Variants in MVB12A observed in about 807,000 individuals in gnomAD.
MVB12A encodes multivesicular body subunit 12A.
A neutral mutation model predicts 34.3 loss-of-function variants in MVB12A; 30 were observed. That is an observed-to-expected ratio of 0.88 (90% CI 0.65 to 1.19). MVB12A has a LOEUF of 1.19. Ranked by LOEUF, MVB12A falls within the 50% of genes most tolerant of loss-of-function variation. The probability of loss-of-function intolerance (pLI) is 0.00; values close to 1 mark genes in which losing one functional copy is unlikely to be tolerated. For missense variants in MVB12A, 355 were observed against 369.2 expected, an observed-to-expected ratio of 0.96 and a Z score of 0.31; for synonymous variants, 158 against 158.9, an observed-to-expected ratio of 0.99 and a Z score of 0.04.
At position 17,412,272 on chromosome 19, in the gene MVB12A, CTCTT is replaced by C. The variant is rs1404081781; in HGVS notation, c.-5+5982_-5+5985del. On this transcript the variant is annotated intron_variant, in intron 2 of 6. Transcript: ENST00000528604. Reference sequence around the variant, plus strand: ...TCTCTCTCTTTTGCTCTTTCTCTCTCTCTTTCTTTTTTGAGATGGAGTCTCACTC... The same window carrying C: ...TCTCTCTCTTTTGCTCTTTCTCTCTCTCTTTTTTGAGATGGAGTCTCACTC... 7.9e-5 allele frequency among the ~76,000 whole-genome samples: 12 copies of C among 152,070 alleles called. No individual in the cohort carries two copies. The East Asian group carries it at 2.3e-3, about 29-fold the overall frequency.
intron 2 of MVB12A, among the ~76,000 whole-genome samples, chr19:17,410,842 T>C (rs1392311187): frequency 7.3e-6 from 1 of 136,712 alleles, no homozygotes; most frequent in African/African-American, 2.7e-5. Flanking sequence ...GGCAGAAGAA[T>C]CGCTTGAACC....
chr19:17,423,811 G>A lies in MVB12A; in HGVS notation c.640+12G>A. ...CTATGGCATCTCAGGTGAGCACAGA[G>A]TGGGGAAACTGAGGCGTGGAAGTGG... On this transcript the variant is annotated intron_variant, in intron 6 of 8. Coordinates refer to ENST00000317040, the MANE Select transcript of MVB12A (RefSeq NM_138401.4). 3 of 1,612,160 alleles carry A rather than the reference G, an allele frequency of 1.9e-6. No individual in the cohort carries two copies. Among genetic ancestry groups the A allele is most frequent in the East Asian group, 2.2e-5 (1 of 44,816 alleles).
chr19:17,416,230 T>C (rs1599603708), upstream of MVB12A, among the ~76,000 whole-genome samples: 1 of 79,164 alleles, frequency 1.3e-5, no homozygotes. Flanking sequence ...TACAGGCGCA[T>C]GCCACTGAGT....
intron 2 of MVB12A, among the ~76,000 whole-genome samples, chr19:17,412,172 A>G (rs1331536554): frequency 2.0e-5 from 3 of 152,196 alleles, no homozygotes; most frequent in Non-Finnish European, 2.9e-5. Context: ...AACTGAGTGC[A>G]GGTTTGGAGT....
At chr19:17,415,358 A>G (rs1045792497), upstream of MVB12A, 4 of 152,228 alleles carry the variant, frequency 2.6e-5, no homozygotes, top group African/African-American at 4.8e-5. Context: ...AAGGAGCCCA[A>G]TTAGCTGATA....
Position 17,423,990 on chromosome 19 carries a change from C to T in MVB12A, c.641-16C>T, listed in dbSNP as rs773571525. 2.0e-5 allele frequency: 33 copies of T among 1,614,014 alleles called. No homozygotes were observed. The highest frequency in any genetic ancestry group is 8.8e-5 in the South Asian group (8 of 91,084). On this transcript the variant is annotated splice_polypyrimidine_tract_variant and intron_variant, in intron 6 of 8. Coordinates refer to ENST00000317040, the MANE Select transcript of MVB12A (RefSeq NM_138401.4). ...TTCCCTACACCTCACCTCCTCCCCTCGCACGTGTTTTTCAGCCATGGATGG... is the reference window on the plus strand; with the variant it reads ...TTCCCTACACCTCACCTCCTCCCCTTGCACGTGTTTTTCAGCCATGGATGG...
intron 3 of MVB12A, 25 bp from the exon 4 acceptor site, chr19:17,422,307 T>A (rs914705292): frequency 2.5e-6 from 4 of 1,597,578 alleles, no homozygotes; most frequent in Non-Finnish European, 3.4e-6. Flanking sequence ...CTTCCCTCTC[T>A]CACTCCCCTA....
rs923756771 is a variant in MVB12A, at chr19:17,425,059, CTCACTGCATCCTGGGGCCACCCCCA to C, written c.*67_*91del. The C allele has an allele frequency of 2.6e-5, 15 of 566,878 alleles. No individual in the cohort carries two copies. The African/African-American group carries it at 3.3e-4, about 13-fold the overall frequency. The allele number at this position is 566,878 out of a possible 1,614,324, so 35.1% of individuals were successfully genotyped here. On this transcript the variant is annotated 3_prime_UTR_variant, in exon 9 of 9. Coordinates refer to ENST00000317040, the MANE Select transcript of MVB12A (RefSeq NM_138401.4). ...CCCCGCCAGCCTGGGGCCACCCCCC[CTCACTGCATCCTGGGGCCACCCCCA>C]CTCACTGCATCCTGGGAACCTTCGC...
chr19:17,412,584 A>G (rs2074776045), intron 2 of MVB12A, among the ~76,000 whole-genome samples: 1 of 152,122 alleles, frequency 6.6e-6, no homozygotes, highest in Non-Finnish European at 1.5e-5. Context: ...GCTTTCTTAT[A>G]GCGGGGGTGT....
At chr19:17,408,017 CT>C (rs556310710) in intron 2 of MVB12A, among the ~76,000 whole-genome samples, 97 of 152,356 alleles carry the variant, frequency 6.4e-4, no homozygotes, top group Admixed American at 1.3e-3. Context: ...ACTATGTCCC[CT>C]CAGCTCCTAT....
intron 7 of MVB12A, among the ~76,000 whole-genome samples, 177 bp from the exon 8 acceptor site, chr19:17,424,444 C>G (rs762873113): frequency 6.6e-6 from 1 of 151,414 alleles, no homozygotes; most frequent in South Asian, 2.1e-4. Flanking sequence ...TAGCCAGGCG[C>G]GGCTTTAGAG....
At chr19:17,410,549 T>G (rs1424144971) in intron 2 of MVB12A, among the ~76,000 whole-genome samples, 1 of 115,426 alleles carries the variant, frequency 8.7e-6, no homozygotes, top group Non-Finnish European at 1.7e-5. Context: ...CATATATATA[T>G]ACACACACAT....
chr19:17,424,739 G>A, intron 8 of MVB12A, 62 bp downstream of exon 8: 1 of 1,535,506 alleles, frequency 6.5e-7, no homozygotes, highest in East Asian at 2.3e-5. Context: ...TGAGGGGCCG[G>A]CACCCGCCCC....
intron 2 of MVB12A, among the ~76,000 whole-genome samples, chr19:17,408,654 C>T (rs1205432493): frequency 6.6e-6 from 1 of 150,726 alleles, no homozygotes; most frequent in Non-Finnish European, 1.5e-5. Context: ...GCCATGTTGA[C>T]CAGGCTGGTC....
intron 2 of MVB12A, among the ~76,000 whole-genome samples, chr19:17,413,955 T>C (rs150812896): frequency 6.6e-6 from 1 of 152,258 alleles, no homozygotes; most frequent in East Asian, 1.9e-4. Context: ...AGGGGATGCC[T>C]ATGTCCCAAG....
intron 4 of MVB12A, 142 bp from the exon 5 acceptor site, chr19:17,423,356 T>G: frequency 1.0e-6 from 1 of 984,744 alleles, no homozygotes; most frequent in Non-Finnish European, 1.4e-6. Flanking sequence ...CGAAACTCCG[T>G]CCCCAAAAAA....
At chr19:17,417,143 A>G (rs140894898), upstream of MVB12A, 363 of 251,840 alleles carry the variant, frequency 1.4e-3, 2 homozygotes, top group African/African-American at 6.7e-3. Context: ...TTTCTTCTTC[A>G]GCTTTGCCGC....
At chr19:17,422,260 C>G (rs1290077902) in intron 3 of MVB12A, 72 bp from the exon 4 acceptor site, 1 of 1,513,328 alleles carries the variant, frequency 6.6e-7, no homozygotes, top group African/African-American at 1.4e-5. Flanking sequence ...CGAGCCTCAT[C>G]CTAGAGTCAT....
In MVB12A at chr19:17,422,389, C is replaced by T. The variant is rs200093151; in HGVS notation, c.344C>T (p.Thr115Met). 10 of 1,613,564 alleles carry T rather than the reference C, an allele frequency of 6.2e-6. No individual in the cohort carries two copies. The highest frequency in any genetic ancestry group is 2.2e-5 in the East Asian group (1 of 44,850). The change falls in exon 4 of 9, where the codon ACG becomes ATG. Residue 115 changes from threonine (T) to methionine (M), a missense_variant. Thr to Met is a moderately conservative substitution (Grantham distance 81). Coordinates refer to ENST00000317040, the MANE Select transcript of MVB12A (RefSeq NM_138401.4). ...GTGAAGCTGTTGCCCCTGGGAGCCA[C>T]GGACACGGCTGTGTTTGATGTCCGG... Reference protein sequence around the residue: ...MCVKLLPLGATDTAVFDVRLS... With the variant: ...MCVKLLPLGAMDTAVFDVRLS...
Sources: allele counts gnomAD v4.1 joint callset (sites outside exome capture counted in the v4.1 genomes callset), GRCh38; gene constraint gnomAD v4.1.1; transcripts MANE v1.5; gene names NCBI Gene and HGNC (gene_info 2026-07-23, HGNC 2026-07-21).